Variants in FGFRL1 observed in about 807,000 individuals in gnomAD.
FGFRL1 encodes fibroblast growth factor receptor like 1, also known as fibroblast growth factor receptor-like 1.
A neutral mutation model predicts 36.8 loss-of-function variants in FGFRL1; 24 were observed. That is an observed-to-expected ratio of 0.65 (90% CI 0.47 to 0.92). The LOEUF (loss-of-function observed/expected upper bound fraction) is 0.92. FGFRL1 is among the 40% of genes least tolerant of loss of function. FGFRL1 has a pLI of 0.00. For synonymous variants in FGFRL1, 422 were observed against 344.1 expected (o/e 1.23, Z -2.50); for missense variants, 785 against 753.4 (o/e 1.04, Z -0.49).
Position 1,023,841 on chromosome 4 carries a change from C to G in FGFRL1, c.458C>G (p.Ser153Cys). The G allele has an allele frequency of 6.3e-7, 1 of 1,582,550 alleles. No homozygotes were observed. Among genetic ancestry groups the G allele is most frequent in the South Asian group, 1.1e-5 (1 of 88,448 alleles). ...GCACGACCGCGCTTCACACAGCCCT[C>G]CAAGATGAGGCGCCGGGTGATCGCA... ...QWARPRFTQPSKMRRRVIARP... is the reference protein window; with the variant it reads ...QWARPRFTQPCKMRRRVIARP... Residue 153 changes from serine (S) to cysteine (C), a missense_variant, in exon 5 of 7, where the codon TCC becomes TGC. Transcript: ENST00000510644. This position sits in a 1 kb window ranked among gnomAD's most constrained non-coding sequence, Gnocchi z 6.0.
At chr4:1,015,126 G>A (rs1467090122) in intron 2 of FGFRL1, among the ~76,000 whole-genome samples, 1 of 152,198 alleles carries the variant, frequency 6.6e-6, no homozygotes, top group Non-Finnish European at 1.5e-5. Context: ...GGCTGTGCCC[G>A]CAGACTGGAC....
chr4:1,025,056 C>A lies in FGFRL1; in HGVS notation c.1224C>A (p.Pro408=), dbSNP rs201062727. The stretch of plus-strand genomic sequence containing the variant: ...AGGCCCAGAAGAAGCCGTGCACCCC[C>A]GCGCCTGCCCCTCCCCTGCCTGGGC... ...LCQAQKKPCT[P]APAPPLPGHR... is the part of the protein sequence containing the mutation. Residue 408 remains proline (P), a synonymous_variant, in exon 7 of 7, where the codon CCC becomes CCA. Coordinates refer to ENST00000510644, the MANE Select transcript of FGFRL1 (RefSeq NM_001004356.3). 6.2e-7 allele frequency: 1 copy of A among 1,609,676 alleles called. No homozygotes were observed. The highest frequency in any genetic ancestry group is 8.5e-7 in the Non-Finnish European group (1 of 1,178,596).
Position 1,024,115 on chromosome 4 carries a change from C to A in FGFRL1, c.718+14C>A. 7.5e-7 allele frequency: 1 copy of A among 1,339,912 alleles called. No individual in the cohort carries two copies. Among genetic ancestry groups the A allele is most frequent in the Non-Finnish European group, 9.8e-7 (1 of 1,018,022 alleles). 83.0% of individuals were successfully genotyped at this position (1,339,912 alleles called of 1,614,324 possible). Reference sequence around the variant, plus strand: ...TGGATGTGATCCGTGAGTGTGGCCCCGGGCGCTGGCGGGCGGGGGGTGCTG... The same window carrying A: ...TGGATGTGATCCGTGAGTGTGGCCCAGGGCGCTGGCGGGCGGGGGGTGCTG... On this transcript the variant is annotated intron_variant, in intron 5 of 6. Transcript: ENST00000510644.
Position 1,024,544 on chromosome 4 carries a change from T to C in FGFRL1, c.952T>C (p.Ser318Pro). Reference sequence around the variant, plus strand: ...TGACGTGTGGTCGCGGCCCGACGGCTCCTACCTCAATAAGCTGCTCATCAC... The same window carrying C: ...TGACGTGTGGTCGCGGCCCGACGGCCCCTACCTCAATAAGCTGCTCATCAC... ...TGDVWSRPDG[S>P]YLNKLLITRA... The change falls in exon 6 of 7, where the codon TCC (serine) becomes CCC (proline). Residue 318 changes from serine (S) to proline (P), a missense_variant. Transcript: ENST00000510644. The C allele has an allele frequency of 6.2e-7, 1 of 1,612,380 alleles. No homozygotes were observed. Among genetic ancestry groups the C allele is most frequent in the Non-Finnish European group, 8.5e-7 (1 of 1,179,842 alleles).
intron 2 of FGFRL1, among the ~76,000 whole-genome samples, chr4:1,014,552 G>T (rs925609249): frequency 6.6e-6 from 1 of 152,230 alleles, no homozygotes; most frequent in African/African-American, 2.4e-5. Flanking sequence ...TGGGCAGGGT[G>T]CCTGTCCAGG....
Position 1,023,628 on chromosome 4 carries a change from C to T in FGFRL1, c.353-13C>T, listed in dbSNP as rs766485743. On this transcript the variant is annotated splice_polypyrimidine_tract_variant and intron_variant, in intron 3 of 6. Transcript: ENST00000510644. This position sits in a 1 kb window ranked among gnomAD's most constrained non-coding sequence, Gnocchi z 6.0. ...CTCACCTGCCCTCCCTGTGCACCTC[C>T]GTCTCTCTGCAGATGACATTAGCCC... The T allele has an allele frequency of 8.2e-6, 13 of 1,592,730 alleles. No homozygotes were observed. The highest frequency in any genetic ancestry group is 8.0e-5 in the African/African-American group (6 of 74,646).
At chr4:1,024,185 G>T (rs1382256475) in intron 5 of FGFRL1, 84 bp downstream of exon 5, 7 of 1,130,144 alleles carry the variant, frequency 6.2e-6, no homozygotes, top group Non-Finnish European at 7.0e-6. Flanking sequence ...GGGCGGGGGC[G>T]CTGGTGGGCG....
rs915663480 is a variant in FGFRL1, at chr4:1,026,217, A to G, written c.*870A>G. 2.0e-5 allele frequency: 3 copies of G among 153,710 alleles called. No individual in the cohort carries two copies. The highest frequency in any genetic ancestry group is 7.4e-5 in the African/African-American group (3 of 40,436). The allele number at this position is 153,710 out of a possible 1,614,324, so 9.5% of individuals were successfully genotyped here. On this transcript the variant is annotated 3_prime_UTR_variant, in exon 7 of 7. Coordinates refer to ENST00000510644, the MANE Select transcript of FGFRL1 (RefSeq NM_001004356.3). ...ACACACGTGCAGATATGCTGTCCGG[A>G]TACACACGCACGCACACATGCAGAT...
At chr4:1,013,315 G>A (rs536460078) in intron 2 of FGFRL1, among the ~76,000 whole-genome samples, 47 of 152,370 alleles carry the variant, frequency 3.1e-4, no homozygotes, top group African/African-American at 9.4e-4. Context: ...CGGGCACAGC[G>A]CTGGCTGCCC....
chr4:1,023,805 C>A lies in FGFRL1; in HGVS notation c.434-12C>A. The A allele has an allele frequency of 1.3e-6, 2 of 1,572,182 alleles. No homozygotes were observed. Among genetic ancestry groups the A allele is most frequent in the Non-Finnish European group, 8.6e-7 (1 of 1,158,464 alleles). ...CCCCGTCCTCTGACCTCCACGCCAC[C>A]CCACCCCGCAGCACGACCGCGCTTC... On this transcript the variant is annotated splice_polypyrimidine_tract_variant and intron_variant, in intron 4 of 6. Transcript: ENST00000510644. The surrounding 1 kb of genome is among the most constrained non-coding windows in gnomAD (Gnocchi z 6.0).
chr4:1,015,948 A>C (rs1032277230), intron 2 of FGFRL1, among the ~76,000 whole-genome samples: 23 of 152,232 alleles, frequency 1.5e-4, no homozygotes, highest in African/African-American at 5.3e-4. Context: ...TGCCTGACGC[A>C]GGCATCACTG....
Position 1,024,586 on chromosome 4 carries a change from G to A in FGFRL1, c.994G>A (p.Asp332Asn), listed in dbSNP as rs945053231. 6 of 1,612,360 alleles carry A rather than the reference G, an allele frequency of 3.7e-6. No individual in the cohort carries two copies. Among genetic ancestry groups the A allele is most frequent in the Non-Finnish European group, 5.1e-6 (6 of 1,179,808 alleles). The change falls in exon 6 of 7, where the codon GAT becomes AAT. Residue 332 changes from aspartate (D) to asparagine (N), a missense_variant. Asp to Asn is a conservative substitution (Grantham distance 23). Coordinates refer to ENST00000510644, the MANE Select transcript of FGFRL1 (RefSeq NM_001004356.3). ...KLLITRARQD[D>N]AGMYICLGAN... is the part of the protein sequence containing the mutation. Reference sequence around the variant, plus strand: ...GCTCATCACCCGTGCCCGCCAGGACGATGCGGGCATGTACATCTGCCTTGG... The same window carrying A: ...GCTCATCACCCGTGCCCGCCAGGACAATGCGGGCATGTACATCTGCCTTGG...
At chr4:1,022,690 G>A (rs1027168009) in intron 3 of FGFRL1, among the ~76,000 whole-genome samples, 14 of 152,144 alleles carry the variant, frequency 9.2e-5, no homozygotes, top group African/African-American at 1.9e-4. Flanking sequence ...CTCCAGCCTC[G>A]GAGCCTTCCT....
chr4:1,017,370 GCTC>G (rs1007290375), intron 2 of FGFRL1, among the ~76,000 whole-genome samples: 15 of 152,150 alleles, frequency 9.9e-5, no homozygotes, highest in African/African-American at 3.6e-4. Context: ...CACACAGCCA[GCTC>G]CTCAGCGGTC....
In FGFRL1 at chr4:1,025,305, C is replaced by A. The variant is rs749851372; in HGVS notation, c.1473C>A (p.His491Gln). The A allele has an allele frequency of 6.4e-7, 1 of 1,567,898 alleles. No homozygotes were observed. Among genetic ancestry groups the A allele is most frequent in the Non-Finnish European group, 8.7e-7 (1 of 1,155,932 alleles). ...HTHTHSHTHS[H>Q]VEGKVHQHIH... is the part of the protein sequence containing the mutation. ...ACACACACTCTCACACACACTCACA[C>A]GTGGAGGGCAAGGTCCACCAGCACA... The change falls in exon 7 of 7, where the codon CAC becomes CAA. Residue 491 changes from histidine (H) to glutamine (Q), a missense_variant. By Grantham distance (24) the His-to-Gln change is conservative. Transcript: ENST00000510644.
chr4:1,025,305 C>G lies in FGFRL1; in HGVS notation c.1473C>G (p.His491Gln), dbSNP rs749851372. The change falls in exon 7 of 7, where the codon CAC becomes CAG. Residue 491 changes from histidine to glutamine, a missense_variant. By Grantham distance (24) the His-to-Gln change is conservative. Coordinates refer to ENST00000510644, the MANE Select transcript of FGFRL1 (RefSeq NM_001004356.3). ...HTHTHSHTHS[H>Q]VEGKVHQHIH... is the part of the protein sequence containing the mutation. ...ACACACACTCTCACACACACTCACA[C>G]GTGGAGGGCAAGGTCCACCAGCACA... 13 of 1,567,778 alleles carry G rather than the reference C, an allele frequency of 8.3e-6. No individual in the cohort carries two copies. The highest frequency in any genetic ancestry group is 1.1e-5 in the Non-Finnish European group (13 of 1,155,940).
upstream of FGFRL1, among the ~76,000 whole-genome samples, chr4:1,011,532 C>T (rs1577551963): frequency 1.3e-5 from 1 of 74,218 alleles, no homozygotes; most frequent in Non-Finnish European, 2.8e-5. Context: ...AGTTTGGCGG[C>T]GGGGCGGGGC....
At chr4:1,024,813 C>G in intron 6 of FGFRL1, 92 bp from the exon 7 acceptor site, 5 of 1,414,272 alleles carry the variant, frequency 3.5e-6, no homozygotes, top group Non-Finnish European at 4.7e-6. Flanking sequence ...CCAGGGGCAC[C>G]GTCTCCACAG....
chr4:1,016,277 A>G (rs1480934515), intron 2 of FGFRL1, among the ~76,000 whole-genome samples: 1 of 146,038 alleles, frequency 6.8e-6, no homozygotes, highest in Non-Finnish European at 1.5e-5. Flanking sequence ...CAAGGTCTGC[A>G]GGCAGAGCCC....
Sources: allele counts gnomAD v4.1 joint callset (sites outside exome capture counted in the v4.1 genomes callset), GRCh38; gene constraint gnomAD v4.1.1; non-coding constraint Gnocchi (gnomAD v3.1); transcripts MANE v1.5; gene names NCBI Gene and HGNC (gene_info 2026-07-23, HGNC 2026-07-21).